TMEM179B: variants seen among roughly 807,000 people sequenced by gnomAD.
The protein encoded by TMEM179B is transmembrane protein 179B.
A neutral mutation model predicts 18.0 loss-of-function variants in TMEM179B; 13 were observed. The observed-to-expected ratio is 0.72, with a 90% confidence interval of 0.47 to 1.15. TMEM179B has a LOEUF of 1.15. TMEM179B is among the 50% of genes most tolerant of loss of function. The probability of loss-of-function intolerance (pLI) is 0.00; values close to 1 mark genes in which losing one functional copy is unlikely to be tolerated. For missense variants in TMEM179B, 320 were observed against 270.6 expected, an observed-to-expected ratio of 1.18 and a Z score of -1.28; for synonymous variants, 159 against 117.5, an observed-to-expected ratio of 1.35 and a Z score of -2.29.
In TMEM179B at chr11:62,789,669, A is replaced by C; in HGVS notation, c.488A>C (p.His163Pro). Residue 163 changes from histidine (H) to proline (P), a missense_variant, in exon 4 of 5, where the codon CAC (histidine) becomes CCC (proline). By Grantham distance (77) the His-to-Pro change is moderately conservative. Coordinates refer to ENST00000333449, the MANE Select transcript of TMEM179B (RefSeq NM_199337.3). The part of the protein sequence containing the change: ...GTALQFYSNL[H>P]NAETSSWVNL... The stretch of plus-strand genomic sequence containing the variant: ...GCTCTGCAGTTTTACTCCAACCTAC[A>C]CAATGCTGAAGTGAGACCCAAGGAT... 6.5e-7 allele frequency: 1 copy of C among 1,545,746 alleles called. No homozygotes were observed. Among genetic ancestry groups the C allele is most frequent in the East Asian group, 2.2e-5 (1 of 44,484 alleles).
In TMEM179B at chr11:62,789,032, A is replaced by C. The variant is rs1305897945; in HGVS notation, c.106A>C (p.Ser36Arg). 2.5e-6 allele frequency: 4 copies of C among 1,611,376 alleles called. No individual in the cohort carries two copies. In the South Asian group the frequency reaches 3.3e-5, roughly 13 times the overall value. The stretch of plus-strand genomic sequence containing the variant: ...CAGCTTCTCTCCACAGGGCTCCTTC[A>C]GTGGTAGATGTCCCCTGTATGGTGT... ...AAMTRTQGSF[S>R]GRCPLYGVAT... Residue 36 changes from serine (S) to arginine (R), a missense_variant, in exon 2 of 5, where the codon AGT becomes CGT. By Grantham distance (110) the Ser-to-Arg change is moderately radical (BLOSUM62 -1). Coordinates refer to ENST00000333449, the MANE Select transcript of TMEM179B (RefSeq NM_199337.3).
rs201135116 is a variant in TMEM179B, at chr11:62,789,155, T to C, written c.229T>C (p.Cys77Arg). 3.7e-6 allele frequency: 6 copies of C among 1,614,182 alleles called. No individual in the cohort carries two copies. Among genetic ancestry groups the C allele is most frequent in the East Asian group, 4.5e-5 (2 of 44,886 alleles). Residue 77 changes from cysteine to arginine, a missense_variant, in exon 2 of 5, where the codon TGC becomes CGC. Cys to Arg is a radical substitution (Grantham distance 180). Transcript: ENST00000333449. ...GGCCTCTGGCCTCTTGGCCCTCTAC[T>C]GCCTCCTGCTTTTGCTCTTCTGGAT... is the stretch of plus-strand genomic sequence containing the variant. ...AGASGLLALY[C>R]LLLLLFWIYS...
At position 62,789,698 on chromosome 11, in the gene TMEM179B, A is replaced by G; in HGVS notation, c.498+19A>G. 2 of 1,531,644 alleles carry G rather than the reference A, an allele frequency of 1.3e-6. No homozygotes were observed. 94.9% of individuals were successfully genotyped at this position (1,531,644 alleles called of 1,614,324 possible). On this transcript the variant is annotated intron_variant, in intron 4 of 4. Transcript: ENST00000333449. ...TGCTGAAGTGAGACCCAAGGATAGG[A>G]GGAAAAACTGACATAAATATCTGTA...
rs766300248 is a variant in TMEM179B at position 62,787,479 on chromosome 11, C to T, written c.48C>T (p.Ala16=). 5.1e-6 allele frequency: 8 copies of T among 1,578,656 alleles called. No homozygotes were observed. Among genetic ancestry groups the T allele is most frequent in the African/African-American group, 2.7e-5 (2 of 74,100 alleles). ...LQRVELALFA[A]AFLCGAVAAA... ...GCGTCGAGCTTGCGCTCTTTGCTGC[C>T]GCCTTCCTGTGCGGGGCCGTGGCGG... The change falls in exon 1 of 5, where the codon GCC becomes GCT. Residue 16 remains alanine, a synonymous_variant. Transcript: ENST00000333449.
chr11:62,787,663 G>C, intron 1 of TMEM179B, 136 bp downstream of exon 1: 1 of 1,174,130 alleles, frequency 8.5e-7, no homozygotes, highest in Non-Finnish European at 1.2e-6. Context: ...GCGCCGGCCT[G>C]TACCTGAAAT....
At chr11:62,789,231 G>T (rs12418135) in intron 2 of TMEM179B, 21 bp downstream of exon 2, 37,697 of 1,613,884 alleles carry the variant, frequency 0.023, 573 homozygotes, top group Non-Finnish European at 0.027. Flanking sequence ...AACCCTGAGG[G>T]CCAGGGGCTG....
rs765189188 is a variant in TMEM179B, at chr11:62,789,963, C to A, written c.576C>A (p.Thr192=). The A allele has an allele frequency of 1.9e-6, 3 of 1,614,044 alleles. No individual in the cohort carries two copies. Among genetic ancestry groups the A allele is most frequent in the Non-Finnish European group, 1.7e-6 (2 of 1,179,982 alleles). The part of the protein sequence containing the change: ...LQVVQWKSEA[T]PYRPLERGDP... ...TCGTGCAGTGGAAGTCTGAAGCCAC[C>A]CCATACCGGCCTCTGGAGAGGGGTG... Residue 192 remains threonine (T), a synonymous_variant, in exon 5 of 5, where the codon ACC becomes ACA. Coordinates refer to ENST00000333449, the MANE Select transcript of TMEM179B (RefSeq NM_199337.3).
intron 1 of TMEM179B, 134 bp downstream of exon 1, chr11:62,787,661 C>T: frequency 3.3e-6 from 4 of 1,195,760 alleles, no homozygotes; most frequent in Admixed American, 2.8e-5. Flanking sequence ...TGGCGCCGGC[C>T]TGTACCTGAA....
chr11:62,788,909 C>A (rs1476425512), intron 1 of TMEM179B, 114 bp from the exon 2 acceptor site: 20 of 1,214,718 alleles, frequency 1.6e-5, no homozygotes, highest in Non-Finnish European at 2.3e-5. Flanking sequence ...TGACGGTGCA[C>A]AAATAACTTC....
chr11:62,788,916 C>A, intron 1 of TMEM179B, 107 bp from the exon 2 acceptor site: 2 of 1,265,638 alleles, frequency 1.6e-6, no homozygotes, highest in Non-Finnish European at 1.1e-6. Context: ...GCACAAATAA[C>A]TTCCTGGAAT....
At chr11:62,788,530 C>T (rs571606856) in intron 1 of TMEM179B, among the ~76,000 whole-genome samples, 1 of 152,190 alleles carries the variant, frequency 6.6e-6, no homozygotes, top group South Asian at 2.1e-4. Flanking sequence ...CGGTGAAACC[C>T]TGTCTCTACT....
Position 62,787,420 on chromosome 11 carries a change from G to T in TMEM179B, c.-12G>T, listed in dbSNP as rs1226607562. On this transcript the variant is annotated 5_prime_UTR_variant, in exon 1 of 5. Coordinates refer to ENST00000333449, the MANE Select transcript of TMEM179B (RefSeq NM_199337.3). Reference sequence around the variant, plus strand: ...TGCTGCTGCAGCGGCGCTTCCTGGTGGTCAGGGCGCCATGGCGCTGTCCTG... The same window carrying T: ...TGCTGCTGCAGCGGCGCTTCCTGGTTGTCAGGGCGCCATGGCGCTGTCCTG... 3 of 1,558,504 alleles carry T rather than the reference G, an allele frequency of 1.9e-6. No individual in the cohort carries two copies. The highest frequency in any genetic ancestry group is 2.4e-5 in the East Asian group (1 of 42,458).
Position 62,790,277 on chromosome 11 carries a change from A to G in TMEM179B, c.*230A>G. 1.8e-6 allele frequency: 1 copy of G among 565,378 alleles called. No homozygotes were observed. Among genetic ancestry groups the G allele is most frequent in the Non-Finnish European group, 3.0e-6 (1 of 331,190 alleles). The allele number at this position is 565,378 out of a possible 1,614,324, so 35.0% of individuals were successfully genotyped here. ...GAGTTTTTGATGTTAAAGTACAACT[A>G]GATAGGAGGAAGGAGTGAAGGCTAA... On this transcript the variant is annotated 3_prime_UTR_variant, in exon 5 of 5. Transcript: ENST00000333449.
Position 62,790,056 on chromosome 11 carries a change from C to T in TMEM179B, c.*9C>T, listed in dbSNP as rs1228137040. 2.5e-6 allele frequency: 4 copies of T among 1,598,488 alleles called. No individual in the cohort carries two copies. The highest frequency in any genetic ancestry group is 2.6e-6 in the Non-Finnish European group (3 of 1,171,488). On this transcript the variant is annotated 3_prime_UTR_variant, in exon 5 of 5. Transcript: ENST00000333449. ...GCCTTTCCCATTCCTGAAGAATAAG[C>T]GGAGTGCTTCCTGCAGCCGAAGACT...
At chr11:62,788,944 T>A in intron 1 of TMEM179B, 79 bp from the exon 2 acceptor site, 2 of 1,455,978 alleles carry the variant, frequency 1.4e-6, no homozygotes, top group South Asian at 2.7e-5. Flanking sequence ...CATTCCTAAG[T>A]TATCACTAAC....
rs1429736519 is a variant in TMEM179B, at chr11:62,790,249, AGTG to A, written c.*203_*205del. On this transcript the variant is annotated 3_prime_UTR_variant, in exon 5 of 5. Coordinates refer to ENST00000333449, the MANE Select transcript of TMEM179B (RefSeq NM_199337.3). ...ATTATATTACTGTCTTCATCTTAGT[AGTG>A]AGTTTTTGATGTTAAAGTACAACTA... 3 of 618,398 alleles carry A rather than the reference AGTG, an allele frequency of 4.9e-6. No homozygotes were observed. Among genetic ancestry groups the A allele is most frequent in the Non-Finnish European group, 8.0e-6 (3 of 375,692 alleles). The allele number at this position is 618,398 out of a possible 1,614,324, so 38.3% of individuals were successfully genotyped here.
Position 62,787,437 on chromosome 11 carries a change from G to A in TMEM179B, c.6G>A (p.Ala2=), listed in dbSNP as rs546708002. 1.9e-6 allele frequency: 3 copies of A among 1,563,930 alleles called. No individual in the cohort carries two copies. The highest frequency in any genetic ancestry group is 3.6e-5 in the Admixed American group (2 of 55,206). The change falls in exon 1 of 5, where the codon GCG becomes GCA. Residue 2 remains alanine (A), a synonymous_variant. Coordinates refer to ENST00000333449, the MANE Select transcript of TMEM179B (RefSeq NM_199337.3). Reference sequence around the variant, plus strand: ...TTCCTGGTGGTCAGGGCGCCATGGCGCTGTCCTGGCTGCAGCGCGTCGAGC... The same window carrying A: ...TTCCTGGTGGTCAGGGCGCCATGGCACTGTCCTGGCTGCAGCGCGTCGAGC... M[A]LSWLQRVELA...
chr11:62,787,924 A>G lies in TMEM179B; in HGVS notation c.96+397A>G, dbSNP rs1444125995. The G allele has an allele frequency of 6.0e-6, 3 of 503,996 alleles. No homozygotes were observed. The Admixed American group carries it at 6.8e-5, about 11-fold the overall frequency. The allele number at this position is 503,996 out of a possible 1,614,324, so 31.2% of individuals were successfully genotyped here. On this transcript the variant is annotated intron_variant, in intron 1 of 4. Coordinates refer to ENST00000333449, the MANE Select transcript of TMEM179B (RefSeq NM_199337.3). ...AAGCATAGTGTAGTGGAGATGATCA[A>G]GCTGCCACATGATTGTAGCACAGTG... is the stretch of plus-strand genomic sequence containing the variant.
Position 62,787,403 on chromosome 11 carries a change from C to T in TMEM179B, c.-29C>T, listed in dbSNP as rs748509821. The T allele has an allele frequency of 1.3e-6, 2 of 1,556,648 alleles. No homozygotes were observed. The highest frequency in any genetic ancestry group is 1.9e-5 in the Admixed American group (1 of 53,044). ...GTGGGCTTTGGGCGGGGTGCTGCTG[C>T]AGCGGCGCTTCCTGGTGGTCAGGGC... On this transcript the variant is annotated 5_prime_UTR_variant, in exon 1 of 5. Coordinates refer to ENST00000333449, the MANE Select transcript of TMEM179B (RefSeq NM_199337.3).
Sources: gnomAD v4.1 joint callset for allele counts (sites outside exome capture counted in the v4.1 genomes callset) on GRCh38, gnomAD v4.1.1 for gene constraint, MANE v1.5 for transcripts, NCBI Gene and HGNC (gene_info 2026-07-23, HGNC 2026-07-21) for gene names.